Variants in CNTLN observed in about 807,000 individuals in gnomAD.
The protein encoded by CNTLN is centlein, centrosomal protein.
Under a neutral mutation model 180.0 loss-of-function variants are expected in CNTLN, and 212 were observed. The observed-to-expected ratio is 1.18, with a 90% CI of 1.05 to 1.32. The LOEUF (loss-of-function observed/expected upper bound fraction) is 1.32. Among genes scored for constraint, CNTLN ranks in the 40% most tolerant of loss-of-function variants. CNTLN has a pLI of 0.00. For missense variants in CNTLN, 2,095 were observed against 1,610.9 expected, an observed-to-expected ratio of 1.30 and a Z score of -5.14; for synonymous variants, 722 against 563.1, an observed-to-expected ratio of 1.28 and a Z score of -3.99.
chr9:17,511,592 C>G, the CNTLN span, among the ~76,000 whole-genome samples: 1 of 151,942 alleles, frequency 6.6e-6, no homozygotes, highest in Admixed American at 6.6e-5. Context: ...GTCCTCAGTC[C>G]TTTGCCACAC....
At chr9:17,383,356 C>CA (rs1055171924) in intron 13 of CNTLN, among the ~76,000 whole-genome samples, 114 of 142,248 alleles carry the variant, frequency 8.0e-4, no homozygotes, top group African/African-American at 1.3e-3. Context: ...CTGTCTCTAC[C>CA]AAAAAAAAAA....
chr9:17,475,822 A>G (rs1405982321), intron 23 of CNTLN, among the ~76,000 whole-genome samples: 2 of 150,678 alleles, frequency 1.3e-5, no homozygotes, highest in Non-Finnish European at 3.0e-5. Flanking sequence ...GCAGTGAGCC[A>G]AGATCGCGCC....
At chr9:17,164,019 A>C (rs76111085) in intron 2 of CNTLN, among the ~76,000 whole-genome samples, 10 of 149,058 alleles carry the variant, frequency 6.7e-5, no homozygotes, top group African/African-American at 2.5e-4. Flanking sequence ...ACTCTGCCTG[A>C]AAAAAAAAAT....
chr9:17,209,235 T>G (rs1476008856), intron 2 of CNTLN, among the ~76,000 whole-genome samples: 1 of 152,210 alleles, frequency 6.6e-6, no homozygotes, highest in Non-Finnish European at 1.5e-5. Flanking sequence ...CCAAAATTCC[T>G]CCTGTTACTG....
chr9:17,417,573 T>A (rs1828362070), intron 18 of CNTLN, among the ~76,000 whole-genome samples: 1 of 152,104 alleles, frequency 6.6e-6, no homozygotes, highest in African/African-American at 2.4e-5. Flanking sequence ...GAGTAAATTC[T>A]GATATTGTCA....
intron 2 of CNTLN, among the ~76,000 whole-genome samples, chr9:17,144,488 T>G (rs1317385981): frequency 6.6e-6 from 1 of 152,184 alleles, no homozygotes; most frequent in African/African-American, 2.4e-5. Flanking sequence ...TTCTTTATTC[T>G]CCTCTCCTTT....
intron 15 of CNTLN, among the ~76,000 whole-genome samples, chr9:17,402,254 T>G (rs1411639783): frequency 2.0e-5 from 3 of 151,816 alleles, no homozygotes; most frequent in Non-Finnish European, 4.4e-5. Flanking sequence ...TAGGAAGGCA[T>G]AGCCAAAATC....
intron 16 of CNTLN, among the ~76,000 whole-genome samples, chr9:17,413,933 T>A (rs1331445159): frequency 6.6e-6 from 1 of 152,178 alleles, no homozygotes; most frequent in African/African-American, 2.4e-5. Flanking sequence ...CCTTTGTTTG[T>A]AATAGCTGAA....
intron 25 of CNTLN, among the ~76,000 whole-genome samples, chr9:17,500,906 T>G (rs1040681968): frequency 4.6e-5 from 7 of 152,216 alleles, no homozygotes; most frequent in Non-Finnish European, 8.8e-5. Flanking sequence ...AACTGGCATC[T>G]TTGTCCAAGG....
intron 2 of CNTLN, among the ~76,000 whole-genome samples, chr9:17,178,484 C>T (rs998185285): frequency 1.4e-4 from 22 of 152,146 alleles, no homozygotes; most frequent in African/African-American, 3.9e-4. Flanking sequence ...TAGGGAGGCT[C>T]GGGCTGCCCG....
At chr9:17,208,589 G>T (rs1349068836) in intron 2 of CNTLN, among the ~76,000 whole-genome samples, 2 of 152,114 alleles carry the variant, frequency 1.3e-5, no homozygotes, top group Non-Finnish European at 2.9e-5. Context: ...AAGCCATTGG[G>T]TGCTGGGCTC....
chr9:17,267,658 C>G (rs1016807210), intron 5 of CNTLN, among the ~76,000 whole-genome samples: 1 of 152,040 alleles, frequency 6.6e-6, no homozygotes, highest in Admixed American at 6.5e-5. Context: ...CCATTCTCCC[C>G]GACACTTTCA....
At position 17,143,346 on chromosome 9, in the gene CNTLN, T is replaced by C; in HGVS notation, c.419T>C (p.Leu140Pro). ...CGTCTCCAGGTTACAAACCCAGATC[T>C]CACACAAGTGGTCAGTTTGGTTGTG... ...WKRLQVTNPDLTQVVSLVVER... is the reference protein window; with the variant it reads ...WKRLQVTNPDPTQVVSLVVER... Residue 140 changes from leucine (L) to proline (P), a missense_variant, in exon 2 of 26, where the codon CTC (leucine) becomes CCC (proline). Transcript: ENST00000380647. The C allele has an allele frequency of 6.2e-7, 1 of 1,613,710 alleles. No homozygotes were observed. Among genetic ancestry groups the C allele is most frequent in the South Asian group, 1.1e-5 (1 of 91,048 alleles).
At position 17,466,097 on chromosome 9, in the gene CNTLN, T is replaced by C; in HGVS notation, c.3648T>C (p.Ser1216=). The change falls in exon 22 of 26, where the codon TCT becomes TCC. Residue 1216 remains serine (S), a synonymous_variant. Coordinates refer to ENST00000380647, the MANE Select transcript of CNTLN (RefSeq NM_017738.4). ...KSQYEQMYQK[S]KEELEKKDLK... is the part of the protein sequence containing the mutation. Reference sequence around the variant, plus strand: ...AGTATGAACAGATGTATCAGAAATCTAAAGAGGAGTTAGAAAAAAAGGTAT... The same window carrying C: ...AGTATGAACAGATGTATCAGAAATCCAAAGAGGAGTTAGAAAAAAAGGTAT... The C allele has an allele frequency of 2.5e-6, 4 of 1,603,636 alleles. No individual in the cohort carries two copies. The highest frequency in any genetic ancestry group is 3.4e-6 in the Non-Finnish European group (4 of 1,173,608).
chr9:17,431,930 T>G (rs1829442766), intron 18 of CNTLN, among the ~76,000 whole-genome samples: 1 of 152,218 alleles, frequency 6.6e-6, no homozygotes, highest in South Asian at 2.1e-4. Flanking sequence ...AAAGCACTTC[T>G]CTGCATGCTT....
intron 12 of CNTLN, among the ~76,000 whole-genome samples, chr9:17,365,533 G>T (rs916207325): frequency 5.3e-5 from 8 of 152,114 alleles, no homozygotes; most frequent in African/African-American, 1.9e-4. Context: ...TACTCACAAT[G>T]GTAGCTCAAT....
At chr9:17,424,627 G>A (rs1186957937) in intron 18 of CNTLN, among the ~76,000 whole-genome samples, 3 of 152,164 alleles carry the variant, frequency 2.0e-5, no homozygotes, top group Non-Finnish European at 2.9e-5. Context: ...TTTTGCTGTG[G>A]TTTCAATATG....
chr9:17,416,472 T>G (rs904784661), intron 18 of CNTLN, among the ~76,000 whole-genome samples: 2 of 152,196 alleles, frequency 1.3e-5, no homozygotes, highest in African/African-American at 4.8e-5. Context: ...TTTTTACATA[T>G]TCTGTATTGT....
downstream of CNTLN, among the ~76,000 whole-genome samples, chr9:17,508,506 A>G (rs1427861767): frequency 6.6e-6 from 1 of 152,184 alleles, no homozygotes; most frequent in African/African-American, 2.4e-5. Flanking sequence ...CATTACCACA[A>G]TTGAGATACA....
Sources: allele counts gnomAD v4.1 joint callset (sites outside exome capture counted in the v4.1 genomes callset), GRCh38; gene constraint gnomAD v4.1.1; transcripts MANE v1.5; gene names NCBI Gene and HGNC (gene_info 2026-07-23, HGNC 2026-07-21).